RIMS3: variants seen among roughly 807,000 people sequenced by gnomAD.
RIMS3 encodes the protein regulating synaptic membrane exocytosis protein 3.
In RIMS3, 15 loss-of-function variants were observed where a neutral mutation model predicts 29.2. The ratio of observed to expected loss-of-function variants is 0.51; its 90% CI spans 0.34 to 0.79. The LOEUF (loss-of-function observed/expected upper bound fraction) is 0.79. Ranked by LOEUF, RIMS3 falls within the 30% of genes least tolerant of loss-of-function variation. The probability of loss-of-function intolerance (pLI) is 0.01; values close to 1 mark genes in which losing one functional copy is unlikely to be tolerated. For synonymous variants in RIMS3, 161 were observed against 170.1 expected (o/e 0.95, Z 0.41); for missense variants, 342 against 421.4 (o/e 0.81, Z 1.65).
chr1:40,639,025 A>G (rs2148348870), intron 3 of RIMS3, among the ~76,000 whole-genome samples: 1 of 152,244 alleles, frequency 6.6e-6, no homozygotes, highest in Middle Eastern at 3.4e-3. Context: ...CGTCCAGGCT[A>G]GATATTATGG....
chr1:40,635,850 C>T lies in RIMS3; in HGVS notation c.359+66G>A. 1 of 1,586,948 alleles carries T rather than the reference C, an allele frequency of 6.3e-7. No individual in the cohort carries two copies. On this transcript the variant is annotated intron_variant, in intron 4 of 7. Coordinates refer to ENST00000372684, the MANE Select transcript of RIMS3 (RefSeq NM_014747.3). This position sits in a 1 kb window ranked among gnomAD's most constrained non-coding sequence, Gnocchi z 4.1. ...AAAACAGGGAGGCTTTCCCACCCTG[C>T]CCAGTGGCTCTGTGACTGGAGGACC...
chr1:40,621,859 G>A lies in RIMS3; in HGVS notation c.*4658C>T, dbSNP rs1646422650. On this transcript the variant is annotated 3_prime_UTR_variant, in exon 8 of 8. Transcript: ENST00000372684. Reference sequence around the variant, plus strand: ...CCTGGCATCATTGTGAACTCCTTGGGAGGCCCAAGGCCCTGTCCTTACTGG... The same window carrying A: ...CCTGGCATCATTGTGAACTCCTTGGAAGGCCCAAGGCCCTGTCCTTACTGG... The A allele has an allele frequency of 6.6e-6, 1 of 152,328 alleles. No individual in the cohort carries two copies. Among genetic ancestry groups the A allele is most frequent in the South Asian group, 2.1e-4 (1 of 4,818 alleles). The allele number at this position is 152,328 out of a possible 1,614,324, so 9.4% of individuals were successfully genotyped here.
At chr1:40,687,312 T>G in the RIMS3 span, among the ~76,000 whole-genome samples, 1 of 65,058 alleles carries the variant, frequency 1.5e-5, no homozygotes, top group Non-Finnish European at 3.2e-5. Context: ...TAAAGATGGT[T>G]AAATTTAGGC....
chr1:40,651,167 CTT>C (rs1646629881), intron 1 of RIMS3, among the ~76,000 whole-genome samples: 1 of 152,152 alleles, frequency 6.6e-6, no homozygotes, highest in African/African-American at 2.4e-5. Flanking sequence ...CAGAATGTGA[CTT>C]GGTTTGGAAA....
At chr1:40,638,177 G>A (rs1478308101) in intron 3 of RIMS3, among the ~76,000 whole-genome samples, 2 of 152,136 alleles carry the variant, frequency 1.3e-5, no homozygotes, top group Non-Finnish European at 2.9e-5. Flanking sequence ...CAGGTGCCGA[G>A]AGAGCTGGGA....
chr1:40,689,952 T>C, the RIMS3 span, among the ~76,000 whole-genome samples: 3 of 152,224 alleles, frequency 2.0e-5, no homozygotes, highest in Non-Finnish European at 4.4e-5. Context: ...TCCAGGATCC[T>C]AGCTGCATTT....
chr1:40,684,376 T>C, the RIMS3 span, among the ~76,000 whole-genome samples: 2 of 152,206 alleles, frequency 1.3e-5, no homozygotes, highest in Non-Finnish European at 2.9e-5. Flanking sequence ...CAGTTCCTCA[T>C]AGCTCAAGAT....
At chr1:40,650,140 A>C (rs1418672069) in intron 1 of RIMS3, among the ~76,000 whole-genome samples, 1 of 152,166 alleles carries the variant, frequency 6.6e-6, no homozygotes, top group African/African-American at 2.4e-5. Context: ...CACAAGGGTA[A>C]GGCAGACCCA....
chr1:40,659,771 C>A (rs1642324686), intron 1 of RIMS3, among the ~76,000 whole-genome samples: 1 of 152,112 alleles, frequency 6.6e-6, no homozygotes, highest in African/African-American at 2.4e-5. Context: ...TTAGCAGGGC[C>A]CCAAGAGGGG....
the RIMS3 span, among the ~76,000 whole-genome samples, chr1:40,683,141 C>T: frequency 6.6e-6 from 1 of 152,174 alleles, no homozygotes; most frequent in East Asian, 1.9e-4. Flanking sequence ...GACTCGAACT[C>T]AGGCTAACTT....
chr1:40,672,129 G>A, the RIMS3 span, among the ~76,000 whole-genome samples: 2 of 151,436 alleles, frequency 1.3e-5, no homozygotes, highest in East Asian at 3.9e-4. Context: ...TAATACAGTT[G>A]GCAAATAAGT....
chr1:40,680,370 C>T, the RIMS3 span, among the ~76,000 whole-genome samples: 4 of 139,556 alleles, frequency 2.9e-5, no homozygotes, highest in Non-Finnish European at 4.6e-5. Flanking sequence ...CTCATTCTGT[C>T]GCCCAGGCTG....
At chr1:40,667,776 G>A (rs903875508), upstream of RIMS3, among the ~76,000 whole-genome samples, 53 of 152,134 alleles carry the variant, frequency 3.5e-4, no homozygotes, top group Admixed American at 2.4e-3. Context: ...CCGATCTGTG[G>A]AACAAAATGG....
At chr1:40,629,440 T>A in intron 5 of RIMS3, 68 bp from the exon 6 acceptor site, 1 of 1,271,800 alleles carries the variant, frequency 7.9e-7, no homozygotes, top group Non-Finnish European at 1.2e-6. Context: ...GCTGCTGTAC[T>A]GAATGCCAGC....
chr1:40,679,821 T>C, the RIMS3 span, among the ~76,000 whole-genome samples: 2 of 152,066 alleles, frequency 1.3e-5, no homozygotes, highest in East Asian at 3.9e-4. Context: ...CCCTGGGAGC[T>C]GTTGACAATC....
chr1:40,662,305 G>A (rs1179170359), intron 1 of RIMS3, among the ~76,000 whole-genome samples: 1 of 151,934 alleles, frequency 6.6e-6, no homozygotes, highest in Non-Finnish European at 1.5e-5. Context: ...TCCCTTCTTC[G>A]CCTCTACAAT....
upstream of RIMS3, among the ~76,000 whole-genome samples, chr1:40,670,574 TTATATA>T (rs553412097): frequency 0.075 from 5,324 of 71,196 alleles, 331 homozygotes; most frequent in Middle Eastern, 0.14. Flanking sequence ...AGTTATAATT[TTATATA>T]TATATATATA....
rs972232314 is a variant in RIMS3, at chr1:40,636,198, G to C, written c.218-141C>G. 1.8e-5 allele frequency: 20 copies of C among 1,096,672 alleles called. No individual in the cohort carries two copies. Among genetic ancestry groups the C allele is most frequent in the Non-Finnish European group, 2.6e-5 (20 of 761,762 alleles). 67.9% of individuals were successfully genotyped at this position (1,096,672 alleles called of 1,614,324 possible). Reference sequence around the variant, plus strand: ...GAGCAGGGCTCTGACTGGAGGCAGGGGCATGGCTGAGCTGACCTCAGAGCT... The same window carrying C: ...GAGCAGGGCTCTGACTGGAGGCAGGCGCATGGCTGAGCTGACCTCAGAGCT... On this transcript the variant is annotated intron_variant, in intron 3 of 7. Transcript: ENST00000372684. The surrounding 1 kb of genome is among the most constrained non-coding windows in gnomAD (Gnocchi z 4.2).
At chr1:40,637,218 G>T (rs1401215663) in intron 3 of RIMS3, among the ~76,000 whole-genome samples, 3 of 152,236 alleles carry the variant, frequency 2.0e-5, no homozygotes, top group Non-Finnish European at 4.4e-5. Context: ...ACACCCAATG[G>T]TGGGCTGGGG....
Sources: allele counts gnomAD v4.1 joint callset (sites outside exome capture counted in the v4.1 genomes callset), GRCh38; gene constraint gnomAD v4.1.1; non-coding constraint Gnocchi (gnomAD v3.1); transcripts MANE v1.5; gene names NCBI Gene and HGNC (gene_info 2026-07-23, HGNC 2026-07-21).